The following RPS6KC1 variants were observed in gnomAD, a reference collection of about 807,000 sequenced individuals.
RPS6KC1 encodes ribosomal protein S6 kinase C1, also known as inactive ribosomal protein S6 kinase delta-1.
In RPS6KC1, 54 loss-of-function variants were observed where a neutral mutation model predicts 103.8. That is an observed-to-expected ratio of 0.52 (90% CI 0.42 to 0.65). The LOEUF is 0.65. Ranked by LOEUF, RPS6KC1 falls within the 30% of genes least tolerant of loss-of-function variation. RPS6KC1 has a pLI of 0.00. For synonymous variants in RPS6KC1, 439 were observed against 438.7 expected, an observed-to-expected ratio of 1.00 and a Z score of -0.01; for missense variants, 1,151 against 1,253.8, an observed-to-expected ratio of 0.92 and a Z score of 1.24.
the RPS6KC1 span, among the ~76,000 whole-genome samples, chr1:213,733,092 G>A: frequency 6.6e-6 from 1 of 152,142 alleles, no homozygotes; most frequent in East Asian, 1.9e-4. Flanking sequence ...TGTGAATAAT[G>A]CTGCCATGAA....
chr1:213,132,579 G>A (rs1290379533), intron 6 of RPS6KC1, among the ~76,000 whole-genome samples: 1 of 152,140 alleles, frequency 6.6e-6, no homozygotes, highest in African/African-American at 2.4e-5. Context: ...GAAACTGGGG[G>A]CTCTAGTTAT....
chr1:213,367,308 T>G, the RPS6KC1 span, among the ~76,000 whole-genome samples: 3 of 152,232 alleles, frequency 2.0e-5, no homozygotes, highest in Non-Finnish European at 2.9e-5. Flanking sequence ...TAAGTCCTTT[T>G]CTTGCATACT....
chr1:213,711,248 TTCATTAAGTTGA>T, the RPS6KC1 span, among the ~76,000 whole-genome samples: 1 of 152,168 alleles, frequency 6.6e-6, no homozygotes, highest in Admixed American at 6.5e-5. Context: ...CACACTTTAT[TTCATTAAGTTGA>T]TCTTCAATCT....
At chr1:213,322,641 A>G in the RPS6KC1 span, among the ~76,000 whole-genome samples, 1 of 152,198 alleles carries the variant, frequency 6.6e-6, no homozygotes, top group South Asian at 2.1e-4. Context: ...GTTCTTTCTG[A>G]AGGCTCTAGA....
chr1:213,132,673 T>G (rs933482146), intron 6 of RPS6KC1, among the ~76,000 whole-genome samples: 12 of 152,200 alleles, frequency 7.9e-5, no homozygotes, highest in Non-Finnish European at 1.5e-4. Context: ...TAGTGAAATA[T>G]CTCTATAGCC....
chr1:213,151,163 C>T (rs1300508942), intron 6 of RPS6KC1, among the ~76,000 whole-genome samples: 63 of 127,684 alleles, frequency 4.9e-4, no homozygotes, highest in African/African-American at 1.9e-3. Flanking sequence ...GCTGGCCGGG[C>T]GGGGGGCTGA....
intron 6 of RPS6KC1, among the ~76,000 whole-genome samples, chr1:213,132,673 T>C (rs933482146): frequency 6.6e-6 from 1 of 152,200 alleles, no homozygotes; most frequent in Non-Finnish European, 1.5e-5. Context: ...TAGTGAAATA[T>C]CTCTATAGCC....
At chr1:213,573,102 G>A in the RPS6KC1 span, among the ~76,000 whole-genome samples, 2 of 152,184 alleles carry the variant, frequency 1.3e-5, no homozygotes, top group Non-Finnish European at 2.9e-5. Flanking sequence ...CTCAGCACCA[G>A]TCAAAAGCTT....
At chr1:213,819,479 A>G in the RPS6KC1 span, 1 of 152,228 alleles carries the variant, frequency 6.6e-6, no homozygotes, top group African/African-American at 2.4e-5. Context: ...CTGAAGGTTA[A>G]CAAGGTCTCC....
At chr1:213,249,284 GCTAA>G (rs1446117191) in intron 12 of RPS6KC1, among the ~76,000 whole-genome samples, 16 of 152,230 alleles carry the variant, frequency 1.1e-4, no homozygotes, top group East Asian at 3.9e-4. Context: ...AGAGCAATTG[GCTAA>G]CTATTTTTAT....
At chr1:213,862,577 G>T in the RPS6KC1 span, among the ~76,000 whole-genome samples, 3 of 151,730 alleles carry the variant, frequency 2.0e-5, no homozygotes, top group African/African-American at 7.3e-5. Context: ...CTCTCATTTA[G>T]CTATAACTGA....
the RPS6KC1 span, among the ~76,000 whole-genome samples, chr1:213,415,704 A>G: frequency 6.6e-6 from 1 of 152,182 alleles, no homozygotes; most frequent in African/African-American, 2.4e-5. Context: ...AACAGTCTGG[A>G]AATGGAATCC....
chr1:213,434,689 CAAG>C, the RPS6KC1 span, among the ~76,000 whole-genome samples: 1 of 152,224 alleles, frequency 6.6e-6, no homozygotes, highest in Admixed American at 6.5e-5. Flanking sequence ...CTCCTGACCT[CAAG>C]TGATCCACCT....
the RPS6KC1 span, chr1:213,832,659 AT>A: frequency 2.0e-5 from 3 of 152,218 alleles, no homozygotes; most frequent in African/African-American, 7.2e-5. Context: ...CTAAATAAAG[AT>A]GGCCATGGCT....
the RPS6KC1 span, among the ~76,000 whole-genome samples, chr1:213,768,682 C>T: frequency 2.0e-5 from 3 of 152,120 alleles, no homozygotes; most frequent in South Asian, 2.1e-4. Flanking sequence ...AGCATGAATC[C>T]TATAGCATGG....
the RPS6KC1 span, among the ~76,000 whole-genome samples, chr1:213,630,521 C>T: frequency 2.4e-4 from 37 of 152,194 alleles, no homozygotes; most frequent in Admixed American, 7.2e-4. Context: ...GCCATGGGTT[C>T]GAACTTCCTC....
At chr1:213,724,688 C>A in the RPS6KC1 span, among the ~76,000 whole-genome samples, 1 of 152,018 alleles carries the variant, frequency 6.6e-6, no homozygotes, top group Non-Finnish European at 1.5e-5. Context: ...TCACTTGAGG[C>A]CAGGAGTTTT....
intron 7 of RPS6KC1, among the ~76,000 whole-genome samples, chr1:213,168,989 G>T (rs150570454): frequency 6.6e-6 from 1 of 152,104 alleles, no homozygotes; most frequent in East Asian, 1.9e-4. Context: ...TCCCACTTCT[G>T]CATGTCAGTT....
At chr1:213,823,497 G>T in the RPS6KC1 span, among the ~76,000 whole-genome samples, 4 of 152,104 alleles carry the variant, frequency 2.6e-5, no homozygotes, top group South Asian at 8.3e-4. Context: ...TGAGCCAGAG[G>T]AACTTTGAGC....
Sources: gnomAD v4.1 joint callset for allele counts (sites outside exome capture counted in the v4.1 genomes callset) on GRCh38, gnomAD v4.1.1 for gene constraint, MANE v1.5 for transcripts, NCBI Gene and HGNC (gene_info 2026-07-23, HGNC 2026-07-21) for gene names.